ESRRG: variants seen among roughly 807,000 people sequenced by gnomAD.
ESRRG encodes the protein estrogen related receptor gamma, also known as estrogen-related receptor gamma.
ESRRG carries 13 observed loss-of-function variants against 44.0 expected under a neutral mutation model. The ratio of observed to expected loss-of-function variants is 0.30; its 90% CI spans 0.19 to 0.47. ESRRG has a LOEUF of 0.47. ESRRG is among the 20% of genes least tolerant of loss of function. The pLI is 1.00. For synonymous variants in ESRRG, 215 were observed against 214.6 expected (o/e 1.00, Z -0.02); for missense variants, 395 against 580.6 (o/e 0.68, Z 3.29).
upstream of ESRRG, among the ~76,000 whole-genome samples, chr1:217,093,777 C>T (rs1212610057): frequency 2.0e-5 from 3 of 150,168 alleles, no homozygotes; most frequent in Non-Finnish European, 3.0e-5. Flanking sequence ...AGTGAGACCC[C>T]TGTCTCAAAA....
intron 2 of ESRRG, among the ~76,000 whole-genome samples, chr1:216,920,250 T>C (rs2061659909): frequency 6.6e-6 from 1 of 152,214 alleles, no homozygotes; most frequent in Non-Finnish European, 1.5e-5. Flanking sequence ...GTCCAGAAGC[T>C]GGTATGGACT....
intron 2 of ESRRG, among the ~76,000 whole-genome samples, chr1:216,886,080 A>C (rs2096513611): frequency 1.3e-5 from 2 of 152,048 alleles, no homozygotes; most frequent in South Asian, 4.1e-4. Flanking sequence ...TTATTTTTGA[A>C]TTGCTAGAGT....
At chr1:216,829,542 T>C (rs2095451720) in intron 2 of ESRRG, among the ~76,000 whole-genome samples, 1 of 134,456 alleles carries the variant, frequency 7.4e-6, no homozygotes, top group African/African-American at 2.9e-5. Context: ...TCACTCCAAA[T>C]GCCACAGTTT....
intron 2 of ESRRG, among the ~76,000 whole-genome samples, chr1:216,857,353 A>T (rs1034960600): frequency 7.8e-6 from 1 of 128,198 alleles, no homozygotes; most frequent in Admixed American, 8.1e-5. Flanking sequence ...TCCCTTAACC[A>T]CCCTTTGGGA....
Position 217,077,386 on chromosome 1 carries a change from G to A in ESRRG, c.-106+12121C>T, listed in dbSNP as rs11572393. On this transcript the variant is annotated intron_variant, in intron 1 of 7. Coordinates refer to the ESRRG transcript ENST00000359162. ...TTGGAGTTATGAAAGTGGACAAGCCGAGATTTGACTTAGAGCCTTAGAGTG... is the reference window on the plus strand; with the variant it reads ...TTGGAGTTATGAAAGTGGACAAGCCAAGATTTGACTTAGAGCCTTAGAGTG... 5.5e-3 allele frequency among the ~76,000 whole-genome samples: 833 copies of A among 152,238 alleles called. 7 individuals carry two copies. Among genetic ancestry groups the A allele is most frequent in the African/African-American group, 0.019 (795 of 41,534 alleles).
intron 1 of ESRRG, chr1:217,078,174 G>A (rs1310198336): frequency 6.6e-6 from 1 of 152,218 alleles, no homozygotes; most frequent in Non-Finnish European, 1.5e-5. Context: ...GCAGTTTCAA[G>A]GACAAATGTC....
chr1:216,882,678 G>A (rs1188401082), intron 2 of ESRRG, among the ~76,000 whole-genome samples: 1 of 152,098 alleles, frequency 6.6e-6, no homozygotes, highest in Non-Finnish European at 1.5e-5. Context: ...TAATATCAAT[G>A]CAGAAAATGG....
chr1:216,694,485 T>A (rs1474996439), intron 1 of ESRRG, among the ~76,000 whole-genome samples: 1 of 152,158 alleles, frequency 6.6e-6, no homozygotes, highest in African/African-American at 2.4e-5. Context: ...TGAAGGTAAC[T>A]AAGGAGAAAA....
At chr1:216,970,504 A>T (rs1344521425) in intron 1 of ESRRG, among the ~76,000 whole-genome samples, 1 of 152,172 alleles carries the variant, frequency 6.6e-6, no homozygotes, top group African/African-American at 2.4e-5. Context: ...TGACCTTGAC[A>T]AGGTTCTTCA....
intron 2 of ESRRG, among the ~76,000 whole-genome samples, chr1:216,871,880 C>T (rs535101543): frequency 1.3e-5 from 2 of 152,096 alleles, no homozygotes; most frequent in South Asian, 4.2e-4. Context: ...TTATAGGTAC[C>T]CCAATACTTA....
chr1:217,109,921 C>A (rs1000385532), intron 1 of ESRRG, among the ~76,000 whole-genome samples: 1 of 152,150 alleles, frequency 6.6e-6, no homozygotes, highest in Non-Finnish European at 1.5e-5. Flanking sequence ...CACACCATAT[C>A]CTTAAAGGGT....
intron 2 of ESRRG, among the ~76,000 whole-genome samples, chr1:216,735,987 A>AAAAAAAAATAG (rs1453476198): frequency 7.3e-6 from 1 of 137,092 alleles, no homozygotes; most frequent in Non-Finnish European, 1.6e-5. Flanking sequence ...CTCAAAAAAA[A>AAAAAAAAATAG]ATATATATAT....
rs189734432 is a variant in ESRRG at position 216,987,273 on chromosome 1, G to A, written c.-105-47600C>T. Among the ~76,000 whole-genome samples, 24 of 152,226 alleles carry A rather than the reference G, an allele frequency of 1.6e-4. No homozygotes were observed. In the East Asian group the frequency reaches 3.9e-3, roughly 25 times the overall value. ...CTTTCTCTAACATAGCTGTGCTTAA[G>A]GAAAAAGAGCATGCTTCCATGCATG... On this transcript the variant is annotated intron_variant, in intron 1 of 7. Coordinates refer to the ESRRG transcript ENST00000359162.
Position 216,615,736 on chromosome 1 carries a change from C to CTTT in ESRRG, c.589+35234_589+35236dup, listed in dbSNP as rs60874199. On this transcript the variant is annotated intron_variant, in intron 3 of 6. Coordinates refer to ENST00000408911, the MANE Select transcript of ESRRG (RefSeq NM_001438.4). ...CAGCAGACCTTGCCTATTTCTCTCT[C>CTTT]TTTTTTTTTTTTTTTTCCTGAGATG... Among the ~76,000 whole-genome samples the CTTT allele has an allele frequency of 2.0e-3, 273 of 137,226 alleles. 6 individuals carry two copies. The highest frequency in any genetic ancestry group is 4.7e-3 in the African/African-American group (169 of 36,020). The allele number at this position is 137,226 out of a possible 152,430, so 90.0% of individuals were successfully genotyped here. A position where few individuals can be genotyped will look rare whatever the true frequency, so the allele number is the denominator to read the frequency against.
chr1:216,793,544 C>T (rs2094386484), intron 2 of ESRRG, among the ~76,000 whole-genome samples: 1 of 152,116 alleles, frequency 6.6e-6, no homozygotes, highest in Non-Finnish European at 1.5e-5. Flanking sequence ...ATTCCCCTGC[C>T]CTGTCATATC....
chr1:216,779,192 T>TTTATAAACA (rs1553603067), intron 2 of ESRRG, among the ~76,000 whole-genome samples: 4 of 78,354 alleles, frequency 5.1e-5, no homozygotes, highest in African/African-American at 2.0e-4. Context: ...TAAATATATA[T>TTTATAAACA]TTATATTTAT....
At chr1:217,088,197 G>A (rs1406831836) in intron 1 of ESRRG, among the ~76,000 whole-genome samples, 1 of 151,946 alleles carries the variant, frequency 6.6e-6, no homozygotes, top group East Asian at 1.9e-4. Context: ...TTGGTCTTTG[G>A]GCAGTGTGAG....
intron 2 of ESRRG, among the ~76,000 whole-genome samples, chr1:216,735,987 A>AAAAAAATATAT (rs1453476198): frequency 1.3e-4 from 18 of 137,090 alleles, no homozygotes; most frequent in African/African-American, 2.9e-4. Context: ...CTCAAAAAAA[A>AAAAAAATATAT]ATATATATAT....
chr1:216,840,105 T>C (rs2095628353), intron 2 of ESRRG, among the ~76,000 whole-genome samples: 1 of 152,192 alleles, frequency 6.6e-6, no homozygotes, highest in Non-Finnish European at 1.5e-5. Flanking sequence ...AAATCCTAGA[T>C]GGCACCTTCT....
Sources: gnomAD v4.1 joint callset for allele counts (sites outside exome capture counted in the v4.1 genomes callset) on GRCh38, gnomAD v4.1.1 for gene constraint, MANE v1.5 for transcripts, NCBI Gene and HGNC (gene_info 2026-07-23, HGNC 2026-07-21) for gene names.